SHB: variants seen among roughly 807,000 people sequenced by gnomAD.
The protein encoded by SHB is SH2 domain containing adaptor protein B, also known as SH2 domain-containing adapter protein B.
In SHB, 20 loss-of-function variants were observed where a neutral mutation model predicts 52.3. That is an observed-to-expected ratio of 0.38 (90% CI 0.27 to 0.56). The LOEUF (loss-of-function observed/expected upper bound fraction) is 0.56, where lower values mean the gene tolerates loss of function less well. SHB is among the 20% of genes least tolerant of loss of function. The probability of loss-of-function intolerance (pLI) is 0.71; values close to 1 mark genes in which losing one functional copy is unlikely to be tolerated. For synonymous variants in SHB, 397 were observed against 316.5 expected (o/e 1.25, Z -2.70); for missense variants, 825 against 723.3 (o/e 1.14, Z -1.61).
At chr9:38,032,824 GC>G (rs1172521646) in intron 1 of SHB, among the ~76,000 whole-genome samples, 1 of 152,218 alleles carries the variant, frequency 6.6e-6, no homozygotes, top group Non-Finnish European at 1.5e-5. Flanking sequence ...CCATGGAGAG[GC>G]CCCGGACCCC....
intron 2 of SHB, among the ~76,000 whole-genome samples, chr9:37,994,819 T>C (rs1386421677): frequency 6.6e-6 from 1 of 152,106 alleles, no homozygotes; most frequent in Admixed American, 6.5e-5. Context: ...TCTTTCATAA[T>C]ATCAGTCATG....
rs936318613 is a variant in SHB at position 37,916,830 on chromosome 9, C to T, written c.*2991G>A. On this transcript the variant is annotated 3_prime_UTR_variant, in exon 6 of 6. Transcript: ENST00000377707. ...GGGGGGCTGCCAGAAGGGCCCTTGA[C>T]TCCTCAGCGCTCAAGGACAGAGTTG... Among the ~76,000 whole-genome samples the T allele has an allele frequency of 6.6e-6, 1 of 152,182 alleles. No homozygotes were observed. Among genetic ancestry groups the T allele is most frequent in the African/African-American group, 2.4e-5 (1 of 41,446 alleles).
Position 38,068,786 on chromosome 9 carries a change from C to A in SHB, c.-141G>T. 5.1e-6 allele frequency: 1 copy of A among 196,932 alleles called. No individual in the cohort carries two copies. The highest frequency in any genetic ancestry group is 9.4e-6 in the Non-Finnish European group (1 of 106,660). 12.2% of individuals were successfully genotyped at this position (196,932 alleles called of 1,614,324 possible). The stretch of plus-strand genomic sequence containing the variant: ...GGGCGCCCGCTCCCGACGCCAAGTT[C>A]AAGTTCTTGCCGCCGCCGCCTCCTG... On this transcript the variant is annotated 5_prime_UTR_variant, in exon 1 of 6. The change abolishes the stop of an existing upstream ORF in the 5' untranslated region. Transcript: ENST00000377707.
chr9:37,919,879 G>C lies in SHB; in HGVS notation c.1472C>G (p.Pro491Arg). ...GGACAAGTGCTCAGCCCCTTTGATG[G>C]GTAGCTTTCTGGTGGTGTAGTAGTG... ...VIHYYTTRKL[P>R]IKGAEHLSLL... The change falls in exon 6 of 6, where the codon CCC (proline) becomes CGC (arginine). Residue 491 changes from proline (P) to arginine (R), a missense_variant. Transcript: ENST00000377707. 1 of 1,614,098 alleles carries C rather than the reference G, an allele frequency of 6.2e-7. No homozygotes were observed. The highest frequency in any genetic ancestry group is 8.5e-7 in the Non-Finnish European group (1 of 1,179,986).
chr9:38,001,551 C>A (rs1274934111), intron 2 of SHB, among the ~76,000 whole-genome samples: 1 of 152,222 alleles, frequency 6.6e-6, no homozygotes, highest in East Asian at 1.9e-4. Flanking sequence ...CCAGGCCAAG[C>A]CCTTTGGACG....
chr9:37,990,699 C>G (rs1309083885), intron 2 of SHB, among the ~76,000 whole-genome samples: 4 of 152,166 alleles, frequency 2.6e-5, no homozygotes, highest in African/African-American at 4.8e-5. Context: ...GCAGAAACAA[C>G]TGCTCACAAA....
intron 4 of SHB, among the ~76,000 whole-genome samples, chr9:37,952,301 G>A (rs1181045214): frequency 6.6e-6 from 1 of 152,192 alleles, no homozygotes; most frequent in African/African-American, 2.4e-5. Context: ...TGTGGCCTGA[G>A]AACATGAGAA....
intron 2 of SHB, among the ~76,000 whole-genome samples, chr9:38,014,927 C>CAAG (rs1821192379): frequency 1.3e-5 from 2 of 152,304 alleles, no homozygotes; most frequent in African/African-American, 4.8e-5. Flanking sequence ...TCTCCTAATT[C>CAAG]AAGAAGGAAT....
intron 5 of SHB, among the ~76,000 whole-genome samples, chr9:37,946,177 G>C (rs549937913): frequency 4.6e-5 from 7 of 152,358 alleles, no homozygotes; most frequent in African/African-American, 1.7e-4. Context: ...GTGAGTGCAG[G>C]AGGCCAGGCA....
intron 1 of SHB, among the ~76,000 whole-genome samples, chr9:38,024,452 G>C (rs1289369341): frequency 1.3e-5 from 2 of 152,182 alleles, no homozygotes; most frequent in African/African-American, 4.8e-5. Flanking sequence ...CTAGACACCT[G>C]CAGGCTCCGA....
intron 1 of SHB, among the ~76,000 whole-genome samples, chr9:38,020,978 G>C (rs1409599897): frequency 2.0e-5 from 3 of 152,206 alleles, no homozygotes; most frequent in African/African-American, 7.2e-5. Flanking sequence ...TGGCACTTCA[G>C]AAGAGGAGCC....
At chr9:38,067,239 G>A (rs1821981270) in intron 1 of SHB, among the ~76,000 whole-genome samples, 1 of 152,314 alleles carries the variant, frequency 6.6e-6, no homozygotes, top group East Asian at 1.9e-4. Flanking sequence ...CCTTCCAGCC[G>A]GGCCTGATAG....
At chr9:37,999,881 C>T (rs917548636) in intron 2 of SHB, among the ~76,000 whole-genome samples, 2 of 152,254 alleles carry the variant, frequency 1.3e-5, no homozygotes, top group Non-Finnish European at 2.9e-5. Context: ...TTCACTCCTG[C>T]AGCCTCCAGC....
chr9:37,939,843 G>C (rs1832416136), intron 5 of SHB, among the ~76,000 whole-genome samples: 1 of 152,176 alleles, frequency 6.6e-6, no homozygotes, highest in South Asian at 2.1e-4. Flanking sequence ...TACTCTTCTT[G>C]AACATACTAT....
chr9:38,027,644 T>C (rs1249436961), intron 1 of SHB, among the ~76,000 whole-genome samples: 4 of 150,024 alleles, frequency 2.7e-5, no homozygotes, highest in Admixed American at 6.7e-5. Flanking sequence ...GAGCATGATC[T>C]GACAGAGGAA....
At chr9:37,956,129 C>G (rs569685905) in intron 3 of SHB, 75 bp from the exon 4 acceptor site, 7 of 1,380,852 alleles carry the variant, frequency 5.1e-6, no homozygotes, top group Admixed American at 4.2e-5. Context: ...AGAAGGGTAA[C>G]GTTCAGCTGG....
Position 37,997,347 on chromosome 9 carries a change from C to G in SHB, c.838+18664G>C, listed in dbSNP as rs776421549. On this transcript the variant is annotated intron_variant, in intron 2 of 5. Transcript: ENST00000377707. Reference sequence around the variant, plus strand: ...TGGGTCCCCAGAGCCACTAGCTAGTCCTCTCCTCCAGGTCTGAGCTTGGGC... The same window carrying G: ...TGGGTCCCCAGAGCCACTAGCTAGTGCTCTCCTCCAGGTCTGAGCTTGGGC... Among the ~76,000 whole-genome samples the G allele has an allele frequency of 3.9e-5, 6 of 152,208 alleles. No individual in the cohort carries two copies. The South Asian group carries it at 1.2e-3, about 32-fold the overall frequency.
chr9:37,964,148 TG>T (rs1295194941), intron 3 of SHB, among the ~76,000 whole-genome samples: 1 of 152,186 alleles, frequency 6.6e-6, no homozygotes, highest in African/African-American at 2.4e-5. Context: ...GAGGCCTCTG[TG>T]TTCGCCTGGA....
intron 1 of SHB, among the ~76,000 whole-genome samples, chr9:38,032,576 C>T (rs1408853878): frequency 2.0e-5 from 3 of 152,212 alleles, no homozygotes; most frequent in Admixed American, 2.0e-4. Context: ...CCTCAGCTGC[C>T]CTGTGACTCC....
Sources: allele counts gnomAD v4.1 joint callset (sites outside exome capture counted in the v4.1 genomes callset), GRCh38; gene constraint gnomAD v4.1.1; transcripts MANE v1.5; gene names NCBI Gene and HGNC (gene_info 2026-07-23, HGNC 2026-07-21).